Variants in SOX6 observed in about 807,000 individuals in gnomAD.
SOX6 encodes SRY-box transcription factor 6.
SOX6 carries 11 observed loss-of-function variants against 97.8 expected under a neutral mutation model. That is an observed-to-expected ratio of 0.11 (90% confidence interval 0.07 to 0.19). The LOEUF (loss-of-function observed/expected upper bound fraction) is 0.19. Ranked by LOEUF, SOX6 falls within the 10% of genes least tolerant of loss-of-function variation. The pLI is 1.00. For synonymous variants in SOX6, 360 were observed against 371.4 expected (o/e 0.97, Z 0.35); for missense variants, 810 against 1,039.5 (o/e 0.78, Z 3.04).
intron 3 of SOX6, chr11:16,313,678 A>G (rs539786379): frequency 2.0e-5 from 3 of 152,236 alleles, no homozygotes; most frequent in African/African-American, 4.8e-5. Flanking sequence ...ATGCTATTCT[A>G]TACTATGCTC....
intron 4 of SOX6, among the ~76,000 whole-genome samples, chr11:16,520,327 T>A (rs894178736): frequency 6.6e-6 from 1 of 152,238 alleles, no homozygotes; most frequent in Admixed American, 6.5e-5. Flanking sequence ...TTTTATAGAT[T>A]CAGGTCTTAT....
chr11:16,581,814 T>G (rs1422195833), intron 4 of SOX6, among the ~76,000 whole-genome samples: 2 of 151,684 alleles, frequency 1.3e-5, no homozygotes, highest in African/African-American at 2.4e-5. Flanking sequence ...ATACAAAAAT[T>G]AGCCAGGCGT....
intron 6 of SOX6, among the ~76,000 whole-genome samples, chr11:16,140,013 ATG>A (rs1396700438): frequency 2.0e-5 from 3 of 150,388 alleles, no homozygotes; most frequent in South Asian, 2.1e-4. Flanking sequence ...AAATAAGTAT[ATG>A]TGTGTGTGTA....
chr11:16,050,299 A>G (rs1193074891), intron 10 of SOX6, among the ~76,000 whole-genome samples: 2 of 152,106 alleles, frequency 1.3e-5, no homozygotes, highest in African/African-American at 4.8e-5. Flanking sequence ...CTTTTGTGTT[A>G]CTCTCTCTGA....
intron 2 of SOX6, among the ~76,000 whole-genome samples, chr11:16,717,577 CTT>C (rs1419897817): frequency 6.6e-6 from 1 of 152,046 alleles, no homozygotes; most frequent in East Asian, 1.9e-4. Context: ...AACCTATGTC[CTT>C]TGTATATCTT....
chr11:16,099,599 A>T (rs1400036475), intron 7 of SOX6, among the ~76,000 whole-genome samples: 8 of 151,706 alleles, frequency 5.3e-5, no homozygotes, highest in Admixed American at 1.3e-4. Context: ...CTTTATTTGT[A>T]CTAAAACATT....
At chr11:16,602,480 A>G (rs1590002551) in intron 4 of SOX6, among the ~76,000 whole-genome samples, 2 of 151,866 alleles carry the variant, frequency 1.3e-5, no homozygotes, top group East Asian at 3.9e-4. Context: ...ATTTCTCTTG[A>G]TTTATGAGGT....
Position 15,968,479 on chromosome 11 carries a change from G to A in SOX6, c.*4330C>T, listed in dbSNP as rs1380791233. 1 of 152,176 alleles carries A rather than the reference G, an allele frequency of 6.6e-6. No homozygotes were observed. 9.4% of individuals were successfully genotyped at this position (152,176 alleles called of 1,614,324 possible). ...TCTTTGCAAAATGAGTAAATTGAGA[G>A]AAGCAGCCTCAGCTGTGCTGTTCAA... is the stretch of plus-strand genomic sequence containing the variant. On this transcript the variant is annotated 3_prime_UTR_variant, in exon 16 of 16. Coordinates refer to ENST00000683767, the MANE Select transcript of SOX6 (RefSeq NM_001367873.1).
intron 9 of SOX6, among the ~76,000 whole-genome samples, chr11:16,061,015 G>C (rs1847936323): frequency 6.6e-6 from 1 of 151,656 alleles, no homozygotes; most frequent in Non-Finnish European, 1.5e-5. Flanking sequence ...AGGAAGGAAA[G>C]ACAGCATCTA....
chr11:16,029,658 C>A (rs545904215), intron 12 of SOX6, among the ~76,000 whole-genome samples: 92 of 150,200 alleles, frequency 6.1e-4, no homozygotes, highest in Non-Finnish European at 1.1e-3. Context: ...AAAAAAAAAA[C>A]CGATTGTCTA....
At chr11:16,560,580 CAT>C (rs769536150) in intron 4 of SOX6, among the ~76,000 whole-genome samples, 3 of 105,808 alleles carry the variant, frequency 2.8e-5, no homozygotes, top group African/African-American at 8.6e-5. Context: ...TTTATACGTA[CAT>C]ATATGTTTAT....
intron 1 of SOX6, chr11:16,402,822 C>A: frequency 6.4e-7 from 1 of 1,555,332 alleles, no homozygotes; most frequent in Non-Finnish European, 8.7e-7. Flanking sequence ...TGAAGCTCAC[C>A]ATGACCTTTC....
At chr11:16,567,469 C>T (rs1176152094) in intron 4 of SOX6, 1 of 151,232 alleles carries the variant, frequency 6.6e-6, no homozygotes, top group Non-Finnish European at 1.5e-5. Context: ...TGTTGTTTAA[C>T]AACTGACACA....
intron 3 of SOX6, among the ~76,000 whole-genome samples, chr11:16,249,874 C>A (rs1853454987): frequency 6.6e-6 from 1 of 152,142 alleles, no homozygotes; most frequent in Admixed American, 6.6e-5. Context: ...GAGGTTAATT[C>A]CAGTACCAGT....
Position 16,300,594 on chromosome 11 carries a change from T to G in SOX6, c.445+17852A>C, listed in dbSNP as rs935094999. On this transcript the variant is annotated intron_variant, in intron 3 of 15. Transcript: ENST00000683767. The surrounding 1 kb of genome is among the most constrained non-coding windows in gnomAD (Gnocchi z 4.1). ...TCCTCTCAGTGCTGGAAAGACATTT[T>G]CATTCATTACCACGGTCACAAGCAC... Among the ~76,000 whole-genome samples the G allele has an allele frequency of 6.6e-6, 1 of 152,234 alleles. No homozygotes were observed. Among genetic ancestry groups the G allele is most frequent in the Non-Finnish European group, 1.5e-5 (1 of 68,042 alleles).
At chr11:16,062,041 G>C (rs1847969449) in intron 9 of SOX6, among the ~76,000 whole-genome samples, 1 of 151,688 alleles carries the variant, frequency 6.6e-6, no homozygotes, top group Non-Finnish European at 1.5e-5. Flanking sequence ...ATAGACAAAT[G>C]AGACTACGTT....
chr11:16,631,589 G>C (rs1215710759), intron 3 of SOX6, among the ~76,000 whole-genome samples: 1 of 152,148 alleles, frequency 6.6e-6, no homozygotes, highest in Non-Finnish European at 1.5e-5. Context: ...TATTAGGCAG[G>C]TGTTCTCTGG....
At chr11:16,412,708 A>G (rs1858846410) in intron 1 of SOX6, among the ~76,000 whole-genome samples, 1 of 152,190 alleles carries the variant, frequency 6.6e-6, no homozygotes, top group Non-Finnish European at 1.5e-5. Context: ...CTCAGTACTT[A>G]AATGGTATAA....
chr11:15,979,066 A>ATATATATATATAC (rs1564890454), intron 15 of SOX6, among the ~76,000 whole-genome samples: 1 of 59,864 alleles, frequency 1.7e-5, no homozygotes, highest in African/African-American at 6.3e-5. Flanking sequence ...TATATATATA[A>ATATATATATATAC]AACTGCTTAT....
Sources: allele counts gnomAD v4.1 joint callset (sites outside exome capture counted in the v4.1 genomes callset), GRCh38; gene constraint gnomAD v4.1.1; non-coding constraint Gnocchi (gnomAD v3.1); transcripts MANE v1.5; gene names NCBI Gene and HGNC (gene_info 2026-07-23, HGNC 2026-07-21).